The following TP53BP1 variants were observed in gnomAD, a reference collection of about 807,000 sequenced individuals.
TP53BP1 encodes the protein tumor protein p53 binding protein 1.
In TP53BP1, 61 loss-of-function variants were observed where a neutral mutation model predicts 200.8. That is an observed-to-expected ratio of 0.30 (90% confidence interval 0.25 to 0.38). TP53BP1 has a LOEUF of 0.38. Among genes scored for constraint, TP53BP1 ranks in the 10% least tolerant of loss-of-function variants. TP53BP1 has a pLI of 1.00. For synonymous variants in TP53BP1, 822 were observed against 844.3 expected, an observed-to-expected ratio of 0.97 and a Z score of 0.46; for missense variants, 2,144 against 2,371.9, an observed-to-expected ratio of 0.90 and a Z score of 2.00.
Position 43,456,523 on chromosome 15 carries a change from G to A in TP53BP1, c.2085C>T (p.His695=). 4 of 1,602,790 alleles carry A rather than the reference G, an allele frequency of 2.5e-6. No individual in the cohort carries two copies. Among genetic ancestry groups the A allele is most frequent in the Middle Eastern group, 1.7e-4 (1 of 5,980 alleles). Residue 695 remains histidine (H), a synonymous_variant, in exon 12 of 28, where the codon CAC becomes CAT. Coordinates refer to ENST00000382044, the MANE Select transcript of TP53BP1 (RefSeq NM_001141980.3). ...GGGACTGAGTTTCAGTCAGAGAAAG[G>A]TGCAACGGAACACTCTCCATATTTT... ...KEENMESVPL[H]LSLTETQSQG...
rs188747360 is a variant in TP53BP1, at chr15:43,413,269, C to A, written c.5155G>T (p.Ala1719Ser). The A allele has an allele frequency of 1.7e-4, 268 of 1,614,164 alleles. 2 individuals carry two copies. The East Asian group carries it at 5.7e-3, about 34-fold the overall frequency. Residue 1719 changes from alanine to serine, a missense_variant, in exon 24 of 28, where the codon GCC (alanine) becomes TCC (serine). Ala to Ser is a moderately conservative substitution (Grantham distance 99). Transcript: ENST00000382044. ...ESGDNTGEPS[A>S]LEEQRGPLPL... is the part of the protein sequence containing the mutation. ...AAAGGCCCTCTCTGCTCTTCCAGGG[C>A]AGAGGGTTCACCGGTGTTGTCTCCA...
intron 14 of TP53BP1, among the ~76,000 whole-genome samples, chr15:43,443,991 T>C (rs979297647): frequency 2.0e-5 from 3 of 152,226 alleles, no homozygotes; most frequent in Non-Finnish European, 2.9e-5. Context: ...ACCCTGGCTA[T>C]TGCACTTAAT....
chr15:43,469,081 C>A (rs1262518291), intron 11 of TP53BP1, among the ~76,000 whole-genome samples: 1 of 152,084 alleles, frequency 6.6e-6, no homozygotes. Flanking sequence ...AATAAAACTA[C>A]AATAATTCCC....
chr15:43,508,069 C>A (rs1257653296), intron 1 of TP53BP1, among the ~76,000 whole-genome samples: 1 of 152,182 alleles, frequency 6.6e-6, no homozygotes, highest in Non-Finnish European at 1.5e-5. Flanking sequence ...AACACTTAAA[C>A]ATATTTTCTG....
chr15:43,439,972 AC>A (rs1217157078), intron 15 of TP53BP1, among the ~76,000 whole-genome samples: 2 of 152,186 alleles, frequency 1.3e-5, no homozygotes, highest in Admixed American at 1.3e-4. Context: ...AAAGGACTCT[AC>A]GGTACTTATG....
chr15:43,470,280 T>C (rs1032562695), intron 10 of TP53BP1, among the ~76,000 whole-genome samples: 9 of 152,226 alleles, frequency 5.9e-5, no homozygotes, highest in Non-Finnish European at 1.2e-4. Flanking sequence ...CTCCTATTTT[T>C]AGGTATAGAT....
In TP53BP1 at chr15:43,472,732, T is replaced by G. The variant is rs568355241; in HGVS notation, c.1180+1941A>C. 1.4e-4 allele frequency among the ~76,000 whole-genome samples: 21 copies of G among 152,372 alleles called. No individual in the cohort carries two copies. In the East Asian group the frequency reaches 3.9e-3, roughly 28 times the overall value. ...TAATAAGTCCAGTTCTTCCCCATAC[T>G]AATTCATTTCAGTTCAACTTTAAAA... On this transcript the variant is annotated intron_variant, in intron 10 of 27. Coordinates refer to ENST00000382044, the MANE Select transcript of TP53BP1 (RefSeq NM_001141980.3).
upstream of TP53BP1, chr15:43,493,230 G>C (rs2079154684): frequency 4.1e-6 from 6 of 1,462,756 alleles, no homozygotes; most frequent in Non-Finnish European, 5.4e-6. Flanking sequence ...GAAATCCCGT[G>C]GATGATAGGT....
At chr15:43,435,854 C>A (rs940119489) in intron 16 of TP53BP1, among the ~76,000 whole-genome samples, 1 of 152,066 alleles carries the variant, frequency 6.6e-6, no homozygotes, top group African/African-American at 2.4e-5. Context: ...GACGACCCTG[C>A]CTGGCTAATT....
intron 8 of TP53BP1, among the ~76,000 whole-genome samples, chr15:43,476,680 T>C: frequency 6.6e-6 from 1 of 152,238 alleles, no homozygotes; most frequent in East Asian, 1.9e-4. Context: ...CCTCTGAATG[T>C]CTTGCACAGC....
intron 1 of TP53BP1, 126 bp from the exon 2 acceptor site, chr15:43,492,594 T>C (rs1342885913): frequency 3.1e-5 from 21 of 674,102 alleles, no homozygotes; most frequent in South Asian, 2.3e-4. Context: ...CTCCTCCAAT[T>C]AGAATATTAT....
chr15:43,475,093 T>TA (rs1201974384), intron 9 of TP53BP1, among the ~76,000 whole-genome samples: 1 of 152,024 alleles, frequency 6.6e-6, no homozygotes, highest in African/African-American at 2.4e-5. Context: ...ATTTGAGACA[T>TA]AAAAAAAATT....
chr15:43,450,108 T>C lies in TP53BP1; in HGVS notation c.2717-2623A>G, dbSNP rs891325874. Among the ~76,000 whole-genome samples the C allele has an allele frequency of 2.6e-5, 4 of 152,356 alleles. No homozygotes were observed. In the South Asian group the frequency reaches 6.2e-4, roughly 24 times the overall value. ...CAGATAATCATGGGCTATCATGTTGTAGGTCAGCATACCAAACAATAATGA... is the reference window on the plus strand; with the variant it reads ...CAGATAATCATGGGCTATCATGTTGCAGGTCAGCATACCAAACAATAATGA... On this transcript the variant is annotated intron_variant, in intron 12 of 27. Transcript: ENST00000382044.
At chr15:43,454,984 C>T (rs2046260563) in intron 12 of TP53BP1, among the ~76,000 whole-genome samples, 1 of 152,182 alleles carries the variant, frequency 6.6e-6, no homozygotes. Flanking sequence ...CCCACCTTGG[C>T]CTCCCAAAGT....
At chr15:43,423,164 T>C (rs2045445365) in intron 18 of TP53BP1, among the ~76,000 whole-genome samples, 1 of 148,660 alleles carries the variant, frequency 6.7e-6, no homozygotes, top group African/African-American at 2.5e-5. Flanking sequence ...AGAAGCCTTC[T>C]GGAGGCTAAA....
chr15:43,458,431 A>C (rs915001876), intron 11 of TP53BP1, among the ~76,000 whole-genome samples: 4 of 151,436 alleles, frequency 2.6e-5, no homozygotes, highest in African/African-American at 9.7e-5. Flanking sequence ...AAGTGAGACT[A>C]TATCTCAAAA....
At chr15:43,433,450 C>T (rs944728329) in intron 16 of TP53BP1, among the ~76,000 whole-genome samples, 1 of 152,300 alleles carries the variant, frequency 6.6e-6, no homozygotes, top group East Asian at 1.9e-4. Flanking sequence ...AGAATAAAAA[C>T]GTCCAGGCTA....
chr15:43,491,908 A>G (rs531678179), intron 3 of TP53BP1, 94 bp downstream of exon 3: 1 of 1,152,106 alleles, frequency 8.7e-7, no homozygotes, highest in African/African-American at 1.5e-5. Context: ...TTCCTTACAT[A>G]CATTCGACAC....
intron 18 of TP53BP1, among the ~76,000 whole-genome samples, chr15:43,423,988 C>A (rs2045468064): frequency 6.6e-6 from 1 of 152,154 alleles, no homozygotes; most frequent in South Asian, 2.1e-4. Context: ...ACCAAGAATA[C>A]AATGATGACT....
Sources: gnomAD v4.1 joint callset for allele counts (sites outside exome capture counted in the v4.1 genomes callset) on GRCh38, gnomAD v4.1.1 for gene constraint, MANE v1.5 for transcripts, NCBI Gene and HGNC (gene_info 2026-07-23, HGNC 2026-07-21) for gene names.